The following GRIN3A variants were observed in gnomAD, a reference collection of about 807,000 sequenced individuals.
The protein encoded by GRIN3A is glutamate receptor ionotropic, NMDA 3A.
Under a neutral mutation model 92.4 loss-of-function variants are expected in GRIN3A, and 47 were observed. The ratio of observed to expected loss-of-function variants is 0.51; its 90% confidence interval spans 0.40 to 0.65. The LOEUF is 0.65. Ranked by LOEUF, GRIN3A falls within the 30% of genes least tolerant of loss-of-function variation. The probability of loss-of-function intolerance (pLI) is 0.00; values close to 1 mark genes in which losing one functional copy is unlikely to be tolerated. For synonymous variants in GRIN3A, 527 were observed against 540.6 expected, an observed-to-expected ratio of 0.97 and a Z score of 0.35; for missense variants, 1,324 against 1,393.1, an observed-to-expected ratio of 0.95 and a Z score of 0.79.
intron 1 of GRIN3A, among the ~76,000 whole-genome samples, chr9:101,723,760 T>A (rs965430909): frequency 2.0e-5 from 3 of 151,986 alleles, no homozygotes; most frequent in Admixed American, 6.5e-5. Flanking sequence ...AGTAGCTAGA[T>A]ACAGAGTGTC....
At chr9:101,590,570 TG>T (rs1241478125) in intron 6 of GRIN3A, among the ~76,000 whole-genome samples, 9 of 151,748 alleles carry the variant, frequency 5.9e-5, no homozygotes, top group Admixed American at 3.3e-4. Flanking sequence ...TTAGTAGAGA[TG>T]GGGTTTCACC....
intron 3 of GRIN3A, among the ~76,000 whole-genome samples, chr9:101,653,872 T>C (rs1163888678): frequency 6.6e-6 from 1 of 151,882 alleles, no homozygotes; most frequent in African/African-American, 2.4e-5. Flanking sequence ...AAAAATATTG[T>C]CAAGTGTAAT....
intron 1 of GRIN3A, among the ~76,000 whole-genome samples, chr9:101,715,200 T>TAAAAAAAAAA (rs5899459): frequency 2.3e-5 from 3 of 127,680 alleles, no homozygotes; most frequent in Non-Finnish European, 1.6e-5. Flanking sequence ...ACAAAAATGG[T>TAAAAAAAAAA]AAAAAAAAAA....
At chr9:101,661,446 T>G (rs1023234801) in intron 3 of GRIN3A, among the ~76,000 whole-genome samples, 10 of 151,852 alleles carry the variant, frequency 6.6e-5, no homozygotes, top group African/African-American at 1.2e-4. Flanking sequence ...CTTTATAGCA[T>G]GTACATATGC....
chr9:101,672,385 A>C lies in GRIN3A; in HGVS notation c.1305-1278T>G, dbSNP rs1829339329. Among the ~76,000 whole-genome samples, 3 of 152,158 alleles carry C rather than the reference A, an allele frequency of 2.0e-5. No individual in the cohort carries two copies. The South Asian group carries it at 6.2e-4, about 31-fold the overall frequency. On this transcript the variant is annotated intron_variant, in intron 2 of 8. Coordinates refer to ENST00000361820, the MANE Select transcript of GRIN3A (RefSeq NM_133445.3). ...TGTCTCCAGGTTACTTTTTCCAATAATTTTAATACAATTTTAAAAGTGGGA... is the reference window on the plus strand; with the variant it reads ...TGTCTCCAGGTTACTTTTTCCAATACTTTTAATACAATTTTAAAAGTGGGA...
intron 3 of GRIN3A, among the ~76,000 whole-genome samples, chr9:101,642,090 T>C (rs1025084053): frequency 2.6e-5 from 4 of 152,094 alleles, no homozygotes; most frequent in Non-Finnish European, 5.9e-5. Context: ...TATAAAGCTA[T>C]AGTAATCAAA....
chr9:101,642,698 C>T (rs1374329714), intron 3 of GRIN3A, among the ~76,000 whole-genome samples: 2 of 152,274 alleles, frequency 1.3e-5, no homozygotes, highest in Non-Finnish European at 2.9e-5. Context: ...AGCCACTCCC[C>T]ATCACTCACA....
chr9:101,600,091 A>G (rs980223367), intron 6 of GRIN3A, among the ~76,000 whole-genome samples: 1 of 152,176 alleles, frequency 6.6e-6, no homozygotes, highest in Non-Finnish European at 1.5e-5. Flanking sequence ...GGGCAGAGTT[A>G]CTTATCTGAA....
intron 6 of GRIN3A, among the ~76,000 whole-genome samples, chr9:101,584,240 T>C (rs1293955504): frequency 6.6e-6 from 1 of 152,198 alleles, no homozygotes; most frequent in Non-Finnish European, 1.5e-5. Flanking sequence ...CCCATCTCAC[T>C]TAGGCAACTC....
intron 1 of GRIN3A, among the ~76,000 whole-genome samples, chr9:101,702,523 T>C (rs1829768836): frequency 6.6e-6 from 1 of 152,158 alleles, no homozygotes; most frequent in African/African-American, 2.4e-5. Context: ...CTCATAGGCC[T>C]TGTTTTCTGA....
At chr9:101,672,607 T>C (rs916200242) in intron 2 of GRIN3A, among the ~76,000 whole-genome samples, 11 of 152,002 alleles carry the variant, frequency 7.2e-5, no homozygotes, top group African/African-American at 1.7e-4. Flanking sequence ...CAAATACAAA[T>C]AGAAGAAATA....
intron 3 of GRIN3A, among the ~76,000 whole-genome samples, chr9:101,630,233 A>G (rs1199232109): frequency 1.3e-5 from 2 of 152,188 alleles, no homozygotes; most frequent in Admixed American, 1.3e-4. Flanking sequence ...TATCTTGTAC[A>G]TATAAAATAT....
At chr9:101,664,840 A>C (rs1431927916) in intron 3 of GRIN3A, among the ~76,000 whole-genome samples, 1 of 152,020 alleles carries the variant, frequency 6.6e-6, no homozygotes. Flanking sequence ...CTAAACAATT[A>C]GGATCAAGAA....
At chr9:101,719,898 A>G (rs929175899) in intron 1 of GRIN3A, among the ~76,000 whole-genome samples, 1 of 152,152 alleles carries the variant, frequency 6.6e-6, no homozygotes, top group Non-Finnish European at 1.5e-5. Flanking sequence ...TCTTATTCTC[A>G]TCTGTGTTCT....
At chr9:101,641,823 A>T (rs895225063) in intron 3 of GRIN3A, among the ~76,000 whole-genome samples, 1 of 152,064 alleles carries the variant, frequency 6.6e-6, no homozygotes, top group Middle Eastern at 3.2e-3. Flanking sequence ...ATAAAAAAAA[A>T]GTTGACTTAG....
chr9:101,576,092 C>G (rs1027451585), intron 8 of GRIN3A, among the ~76,000 whole-genome samples: 1 of 152,056 alleles, frequency 6.6e-6, no homozygotes, highest in Non-Finnish European at 1.5e-5. Context: ...AAAAAATAAC[C>G]CAAGGCTGGT....
chr9:101,694,588 C>G lies in GRIN3A; in HGVS notation c.700-7388G>C, dbSNP rs180811150. On this transcript the variant is annotated intron_variant, in intron 1 of 8. Transcript: ENST00000361820. ...TACACTTTGTTTCTCTCACCCAAAC[C>G]TTGGTAATCTTGAAAGCATTTGACT... 6.1e-4 allele frequency among the ~76,000 whole-genome samples: 93 copies of G among 152,278 alleles called. No homozygotes were observed. The East Asian group carries it at 0.013, about 22-fold the overall frequency.
chr9:101,596,983 G>A (rs957996286), intron 6 of GRIN3A, among the ~76,000 whole-genome samples: 1 of 152,164 alleles, frequency 6.6e-6, no homozygotes, highest in Admixed American at 6.5e-5. Context: ...GACTGCGTGG[G>A]CCACATGCCC....
intron 6 of GRIN3A, among the ~76,000 whole-genome samples, chr9:101,604,604 A>G (rs1031196159): frequency 6.6e-6 from 1 of 152,132 alleles, no homozygotes; most frequent in Non-Finnish European, 1.5e-5. Flanking sequence ...CATAACTTTC[A>G]TCAGGTTGAA....
Sources: gnomAD v4.1 joint callset for allele counts (sites outside exome capture counted in the v4.1 genomes callset) on GRCh38, gnomAD v4.1.1 for gene constraint, MANE v1.5 for transcripts, NCBI Gene and HGNC (gene_info 2026-07-23, HGNC 2026-07-21) for gene names.